The following GNAO1 variants were observed in gnomAD, a reference collection of about 807,000 sequenced individuals.
GNAO1 encodes G protein subunit alpha o1, also known as guanine nucleotide-binding protein G(o) subunit alpha.
For synonymous variants in GNAO1, 164 were observed against 180.7 expected, an observed-to-expected ratio of 0.91 and a Z score of 0.74; for missense variants, 166 against 478.7, an observed-to-expected ratio of 0.35 and a Z score of 6.10.
chr16:56,317,088 G>A (rs868648150), intron 3 of GNAO1, among the ~76,000 whole-genome samples: 15 of 152,184 alleles, frequency 9.9e-5, no homozygotes, highest in African/African-American at 3.4e-4. Flanking sequence ...TGAGTTCTGA[G>A]GCTGAAAAGG....
chr16:56,282,957 G>A (rs370413890), intron 3 of GNAO1, among the ~76,000 whole-genome samples: 18 of 152,234 alleles, frequency 1.2e-4, no homozygotes, highest in African/African-American at 4.3e-4. Flanking sequence ...AAAGACCGGC[G>A]ATCAGTGTTC....
chr16:56,248,058 T>C (rs2036765843), intron 2 of GNAO1, among the ~76,000 whole-genome samples: 1 of 152,230 alleles, frequency 6.6e-6, no homozygotes, highest in South Asian at 2.1e-4. Flanking sequence ...GTTGGCCCAG[T>C]CTCAACTGTT....
intron 3 of GNAO1, among the ~76,000 whole-genome samples, chr16:56,314,710 T>C (rs1386904524): frequency 6.6e-6 from 1 of 152,134 alleles, no homozygotes; most frequent in Non-Finnish European, 1.5e-5. Context: ...TGCTGCTACT[T>C]TTGCACCATC....
At chr16:56,320,231 C>A (rs1437417622) in intron 3 of GNAO1, among the ~76,000 whole-genome samples, 1 of 152,098 alleles carries the variant, frequency 6.6e-6, no homozygotes, top group Non-Finnish European at 1.5e-5. Context: ...CCCGTGTGCC[C>A]AATCATCATG....
At chr16:56,307,814 A>G (rs1024518475) in intron 3 of GNAO1, 2 of 152,188 alleles carry the variant, frequency 1.3e-5, no homozygotes, top group African/African-American at 4.8e-5. Flanking sequence ...CAGCTCCTCC[A>G]TAGGAAGGAT....
intron 3 of GNAO1, among the ~76,000 whole-genome samples, chr16:56,298,766 T>A (rs1213192951): frequency 6.6e-6 from 1 of 151,520 alleles, no homozygotes; most frequent in Admixed American, 6.6e-5. Context: ...ACAAAAAAAA[T>A]TAACTGGGCA....
intron 2 of GNAO1, among the ~76,000 whole-genome samples, chr16:56,196,960 G>C (rs1402327834): frequency 6.6e-6 from 1 of 152,228 alleles, no homozygotes; most frequent in African/African-American, 2.4e-5. Flanking sequence ...CCAAAAAGCT[G>C]ATGGCTTTTT....
At chr16:56,288,938 T>C (rs534586685) in intron 3 of GNAO1, among the ~76,000 whole-genome samples, 1 of 151,670 alleles carries the variant, frequency 6.6e-6, no homozygotes, top group Admixed American at 6.6e-5. Flanking sequence ...TCCCCCACCC[T>C]ACCTCCTTTT....
chr16:56,297,747 T>TC (rs1401061734), intron 3 of GNAO1, among the ~76,000 whole-genome samples: 1 of 152,106 alleles, frequency 6.6e-6, no homozygotes, highest in Admixed American at 6.5e-5. Context: ...GAGTACTTTT[T>TC]CCCCTCCTTA....
chr16:56,210,092 T>C (rs1430369040), intron 2 of GNAO1, among the ~76,000 whole-genome samples: 1 of 152,242 alleles, frequency 6.6e-6, no homozygotes, highest in Non-Finnish European at 1.5e-5. Context: ...ATGTTTTTAC[T>C]GTCGCTATAG....
At position 56,240,352 on chromosome 16, in the gene GNAO1, T is replaced by C. The variant is rs182694938; in HGVS notation, c.162-35579T>C. ...CCAAATTCAGCTTAGTAGACTGTTATTGGGCACCCGTGCTGGTGCCTTGCC... is the reference window on the plus strand; with the variant it reads ...CCAAATTCAGCTTAGTAGACTGTTACTGGGCACCCGTGCTGGTGCCTTGCC... On this transcript the variant is annotated intron_variant, in intron 2 of 8. Transcript: ENST00000262493. 2.2e-4 allele frequency among the ~76,000 whole-genome samples: 33 copies of C among 152,280 alleles called. 1 individual carries two copies. The East Asian group carries it at 6.0e-3, about 28-fold the overall frequency.
chr16:56,273,283 C>T (rs1399137754), intron 2 of GNAO1, among the ~76,000 whole-genome samples: 1 of 152,144 alleles, frequency 6.6e-6, no homozygotes, highest in Non-Finnish European at 1.5e-5. Flanking sequence ...TTCAAGTTCA[C>T]TCATCTTCTG....
At chr16:56,259,300 G>A (rs2036881648) in intron 2 of GNAO1, among the ~76,000 whole-genome samples, 1 of 152,230 alleles carries the variant, frequency 6.6e-6, no homozygotes, top group Non-Finnish European at 1.5e-5. Context: ...CAAATGCCAG[G>A]CCTTGCACTC....
chr16:56,286,524 A>T (rs2037170393), intron 3 of GNAO1, among the ~76,000 whole-genome samples: 1 of 151,710 alleles, frequency 6.6e-6, no homozygotes, highest in Non-Finnish European at 1.5e-5. Context: ...TTCACCCTCG[A>T]CTCCACAGCA....
chr16:56,277,776 T>TACACACACACAC (rs60891936), intron 3 of GNAO1, among the ~76,000 whole-genome samples: 29 of 108,204 alleles, frequency 2.7e-4, no homozygotes, highest in South Asian at 7.2e-4. Flanking sequence ...GCACACCCCC[T>TACACACACACAC]ACACACACAC....
At chr16:56,323,713 A>C (rs1173410283) in intron 3 of GNAO1, among the ~76,000 whole-genome samples, 1 of 152,148 alleles carries the variant, frequency 6.6e-6, no homozygotes, top group Non-Finnish European at 1.5e-5. Context: ...CCCAACCAAA[A>C]ATTTCTGGAT....
rs563607536 is a variant in GNAO1 at position 56,246,546 on chromosome 16, C to T, written c.162-29385C>T. Among the ~76,000 whole-genome samples the T allele has an allele frequency of 3.3e-5, 5 of 152,304 alleles. 1 individual carries two copies. The South Asian group carries it at 1.0e-3, about 32-fold the overall frequency. On this transcript the variant is annotated intron_variant, in intron 2 of 8. Coordinates refer to ENST00000262493, the MANE Select transcript of GNAO1 (RefSeq NM_020988.3). ...GGCTAAAGGCAGCTCACGTAAACTT[C>T]GCAGCTGCAGCCTGAGAGGCACGAG...
At chr16:56,302,866 A>G (rs2037358567) in intron 3 of GNAO1, 2 of 152,258 alleles carry the variant, frequency 1.3e-5, no homozygotes, top group Non-Finnish European at 2.9e-5. Context: ...GTTCCAAATT[A>G]TTAAAAACAG....
chr16:56,217,832 C>A (rs1199558520), intron 2 of GNAO1, among the ~76,000 whole-genome samples: 1 of 152,154 alleles, frequency 6.6e-6, no homozygotes, highest in African/African-American at 2.4e-5. Context: ...TTAGGGTTAC[C>A]ATTAACAGTA....
Sources: allele counts gnomAD v4.1 joint callset (sites outside exome capture counted in the v4.1 genomes callset), GRCh38; gene constraint gnomAD v4.1.1; transcripts MANE v1.5; gene names NCBI Gene and HGNC (gene_info 2026-07-23, HGNC 2026-07-21).